RBFOX1: variants seen among roughly 807,000 people sequenced by gnomAD.
RBFOX1 encodes RNA binding protein fox-1 homolog 1.
RBFOX1 carries 8 observed loss-of-function variants against 57.7 expected under a neutral mutation model. The observed-to-expected ratio is 0.14, with a 90% CI of 0.08 to 0.25. RBFOX1 has a LOEUF of 0.25. RBFOX1 is among the 10% of genes least tolerant of loss of function. The pLI, the probability that RBFOX1 is intolerant of heterozygous loss-of-function variation, is 1.00. For missense variants in RBFOX1, 611 were observed against 548.5 expected, an observed-to-expected ratio of 1.11 and a Z score of -1.14; for synonymous variants, 326 against 222.4, an observed-to-expected ratio of 1.47 and a Z score of -4.15.
At chr16:7,128,611 A>G (rs961056376) in intron 4 of RBFOX1, among the ~76,000 whole-genome samples, 7 of 152,166 alleles carry the variant, frequency 4.6e-5, no homozygotes, top group Non-Finnish European at 1.0e-4. Context: ...GGAGAGGCTC[A>G]TGCTAGGAAC....
In RBFOX1 at chr16:6,837,400, C is replaced by T. The variant is rs74009326; in HGVS notation, c.-16+182750C>T. 7.0e-3 allele frequency among the ~76,000 whole-genome samples: 1,063 copies of T among 152,318 alleles called. 12 individuals are homozygous for T. The highest frequency in any genetic ancestry group is 0.024 in the African/African-American group (1,000 of 41,558). On this transcript the variant is annotated intron_variant, in intron 3 of 15. Coordinates refer to ENST00000550418, the MANE Select transcript of RBFOX1 (RefSeq NM_018723.4). ...CCGCAATGGTAGTGACTTCCAATCACGGTCCACCAGCTAGAGCTGATCACC... is the reference window on the plus strand; with the variant it reads ...CCGCAATGGTAGTGACTTCCAATCATGGTCCACCAGCTAGAGCTGATCACC...
intron 1 of RBFOX1, among the ~76,000 whole-genome samples, chr16:5,312,674 C>T (rs879873065): frequency 6.6e-6 from 1 of 152,176 alleles, no homozygotes; most frequent in Non-Finnish European, 1.5e-5. Context: ...GTTCTGAGGA[C>T]ACCCAAGAGA....
At chr16:6,670,947 C>G (rs986167493) in intron 3 of RBFOX1, among the ~76,000 whole-genome samples, 3 of 152,102 alleles carry the variant, frequency 2.0e-5, no homozygotes, top group Non-Finnish European at 4.4e-5. Context: ...TTGCAGCGAG[C>G]CGAGATCGTG....
rs2095372993 is a variant in RBFOX1, at chr16:7,273,254, C to CTTCCTTCCTTCCTTCT, written c.27+221165_27+221166insTCCTTCTTTCCTTCCT. On this transcript the variant is annotated intron_variant, in intron 4 of 15. Coordinates refer to ENST00000550418, the MANE Select transcript of RBFOX1 (RefSeq NM_018723.4). ...CCTTCCTTCCTTCCTTCCTTCCTTC[C>CTTCCTTCCTTCCTTCT]TTCCTTCCTCCCTTTCTCTTTTTCT... 3.4e-5 allele frequency among the ~76,000 whole-genome samples: 5 copies of CTTCCTTCCTTCCTTCT among 145,348 alleles called. 1 individual carries two copies. Among genetic ancestry groups the CTTCCTTCCTTCCTTCT allele is most frequent in the African/African-American group, 7.7e-5 (3 of 39,200 alleles).
intron 3 of RBFOX1, among the ~76,000 whole-genome samples, chr16:5,851,177 A>G (rs577572911): frequency 8.0e-4 from 121 of 151,990 alleles, no homozygotes; most frequent in African/African-American, 2.8e-3. Context: ...GACGGTAGTA[A>G]CTCTCCCGCT....
At chr16:7,145,166 T>C (rs1456044068) in intron 4 of RBFOX1, among the ~76,000 whole-genome samples, 1 of 152,156 alleles carries the variant, frequency 6.6e-6, no homozygotes, top group Non-Finnish European at 1.5e-5. Context: ...ATCCCAATCA[T>C]TTCTTTACCC....
chr16:7,080,691 C>G (rs1044688615), intron 4 of RBFOX1, among the ~76,000 whole-genome samples: 1 of 152,116 alleles, frequency 6.6e-6, no homozygotes, highest in African/African-American at 2.4e-5. Context: ...GCCATATGAA[C>G]CCTGGGTGTT....
intron 2 of RBFOX1, among the ~76,000 whole-genome samples, chr16:6,544,955 C>CAAA (rs1478652537): frequency 6.6e-6 from 1 of 152,098 alleles, no homozygotes; most frequent in Non-Finnish European, 1.5e-5. Flanking sequence ...GAGGATTAGG[C>CAAA]AAAGGGTGAT....
intron 3 of RBFOX1, among the ~76,000 whole-genome samples, chr16:6,909,076 A>G (rs2070859277): frequency 6.6e-6 from 1 of 152,204 alleles, no homozygotes; most frequent in African/African-American, 2.4e-5. Flanking sequence ...AATTTAAAAC[A>G]ACACAAATGT....
intron 2 of RBFOX1, among the ~76,000 whole-genome samples, chr16:5,486,660 A>C (rs1183224584): frequency 6.6e-6 from 1 of 152,196 alleles, no homozygotes; most frequent in Non-Finnish European, 1.5e-5. Context: ...ATCAGGTCTC[A>C]GTCTTGTGCC....
chr16:6,266,777 A>G, intron 1 of RBFOX1, among the ~76,000 whole-genome samples: 1 of 151,962 alleles, frequency 6.6e-6, no homozygotes, highest in East Asian at 1.9e-4. Context: ...GAAGAACCTT[A>G]GAATGTTAGA....
intron 2 of RBFOX1, among the ~76,000 whole-genome samples, chr16:6,443,526 G>C (rs1175317323): frequency 1.3e-5 from 2 of 152,166 alleles, no homozygotes; most frequent in African/African-American, 4.8e-5. Flanking sequence ...AAGGATGTGA[G>C]CAGGAGCCTT....
chr16:5,821,662 C>G (rs955525787), intron 3 of RBFOX1, among the ~76,000 whole-genome samples: 1 of 152,110 alleles, frequency 6.6e-6, no homozygotes, highest in South Asian at 2.1e-4. Context: ...GCTGCTGTAA[C>G]AAAATTCCTG....
intron 3 of RBFOX1, among the ~76,000 whole-genome samples, chr16:5,751,147 A>G (rs2053184594): frequency 6.6e-6 from 1 of 152,092 alleles, no homozygotes; most frequent in Non-Finnish European, 1.5e-5. Context: ...CTTGCCAAGA[A>G]ATTCTGCTTT....
intron 1 of RBFOX1, among the ~76,000 whole-genome samples, chr16:6,287,763 A>G (rs1185098576): frequency 6.6e-6 from 1 of 152,156 alleles, no homozygotes; most frequent in Non-Finnish European, 1.5e-5. Context: ...ATTTATCGTC[A>G]TCTGATTGTC....
intron 10 of RBFOX1, among the ~76,000 whole-genome samples, chr16:7,626,953 T>A (rs2060164843): frequency 6.6e-6 from 1 of 152,090 alleles, no homozygotes; most frequent in African/African-American, 2.4e-5. Flanking sequence ...AGACGACCAA[T>A]GTCTAAGTAG....
rs190793571 is a variant in RBFOX1 at position 7,059,295 on chromosome 16, C to G, written c.27+7197C>G. Among the ~76,000 whole-genome samples the G allele has an allele frequency of 3.1e-3, 476 of 152,260 alleles. 13 individuals are homozygous for G. The highest frequency in any genetic ancestry group is 0.03 in the Admixed American group (460 of 15,288). On this transcript the variant is annotated intron_variant, in intron 4 of 15. Coordinates refer to ENST00000550418, the MANE Select transcript of RBFOX1 (RefSeq NM_018723.4). Reference sequence around the variant, plus strand: ...AATGTAAGCCCCCCTTCTCCCCACCCCTTGGTGAGACCTCACAGGATCCAT... The same window carrying G: ...AATGTAAGCCCCCCTTCTCCCCACCGCTTGGTGAGACCTCACAGGATCCAT...
chr16:6,931,793 AG>A (rs2076604266), intron 3 of RBFOX1, among the ~76,000 whole-genome samples: 1 of 152,182 alleles, frequency 6.6e-6, no homozygotes, highest in South Asian at 2.1e-4. Flanking sequence ...TAATTTATAA[AG>A]AAAAATAAGT....
chr16:6,336,306 C>T (rs749316273), intron 2 of RBFOX1, among the ~76,000 whole-genome samples: 24 of 146,746 alleles, frequency 1.6e-4, no homozygotes, highest in Non-Finnish European at 3.4e-4. Context: ...TCACGCCATT[C>T]TGCCTCAGCC....
Sources: allele counts gnomAD v4.1 joint callset (sites outside exome capture counted in the v4.1 genomes callset), GRCh38; gene constraint gnomAD v4.1.1; transcripts MANE v1.5; gene names NCBI Gene and HGNC (gene_info 2026-07-23, HGNC 2026-07-21).